Variants in CWC27 observed in about 807,000 individuals in gnomAD.
CWC27 encodes the protein CWC27 spliceosome associated cyclophilin, also known as spliceosome-associated protein CWC27 homolog.
Under a neutral mutation model 63.6 loss-of-function variants are expected in CWC27, and 47 were observed. The observed-to-expected ratio is 0.74, with a 90% confidence interval of 0.58 to 0.94. CWC27 has a LOEUF of 0.94. Among genes scored for constraint, CWC27 ranks in the 40% least tolerant of loss-of-function variants. CWC27 has a pLI of 0.00. For synonymous variants in CWC27, 175 were observed against 179.8 expected (o/e 0.97, Z 0.22); for missense variants, 495 against 554.3 (o/e 0.89, Z 1.07).
chr5:64,849,591 A>G (rs1746080819), intron 10 of CWC27, among the ~76,000 whole-genome samples: 1 of 152,008 alleles, frequency 6.6e-6, no homozygotes, highest in Non-Finnish European at 1.5e-5. Context: ...AGCACCTCCA[A>G]TGGGAGAACA....
intron 12 of CWC27, among the ~76,000 whole-genome samples, chr5:64,974,275 A>G (rs1749182620): frequency 6.6e-6 from 1 of 151,996 alleles, no homozygotes; most frequent in African/African-American, 2.4e-5. Flanking sequence ...TTTAAGCTAT[A>G]GTGTATTAGT....
chr5:64,840,361 TTAAAAAAAAAA>T (rs1236942765), intron 10 of CWC27, among the ~76,000 whole-genome samples: 30 of 35,836 alleles, frequency 8.4e-4, no homozygotes, highest in South Asian at 5.7e-3. Context: ...TCCTTTTTCA[TTAAAAAAAAAA>T]AAAAAAAAAA....
At chr5:64,885,632 A>T in intron 11 of CWC27, 86 bp downstream of exon 11, 1 of 930,722 alleles carries the variant, frequency 1.1e-6, no homozygotes, top group Non-Finnish European at 1.7e-6. Context: ...TCCCGTATTC[A>T]TCCCTTCCCT....
At chr5:64,824,768 C>G (rs1284379886) in intron 10 of CWC27, among the ~76,000 whole-genome samples, 1 of 138,130 alleles carries the variant, frequency 7.2e-6, no homozygotes, top group Non-Finnish European at 1.5e-5. Flanking sequence ...AGTCTCACTC[C>G]GTCGCCCAGG....
rs1413405742 is a variant in CWC27 at position 64,850,229 on chromosome 5, A to AAAAAAAAAAAAAT, written c.939-35209_939-35208insAAAAAAATAAAAA. Reference sequence around the variant, plus strand: ...TTAAAACAGCTTGGTACTGGCCAAAAAAAAAGACCCGTCAACCAATTGAAG... The same window carrying AAAAAAAAAAAAAT: ...TTAAAACAGCTTGGTACTGGCCAAAAAAAAAAAAAAAATAAAAAGACCCGTCAACCAATTGAAG... On this transcript the variant is annotated intron_variant, in intron 10 of 13. Coordinates refer to ENST00000381070, the MANE Select transcript of CWC27 (RefSeq NM_005869.4). Among the ~76,000 whole-genome samples, 3 of 151,876 alleles carry AAAAAAAAAAAAAT rather than the reference A, an allele frequency of 2.0e-5. No homozygotes were observed. The South Asian group carries it at 6.2e-4, about 32-fold the overall frequency.
At chr5:64,823,496 A>G (rs551592401) in intron 10 of CWC27, among the ~76,000 whole-genome samples, 1 of 152,292 alleles carries the variant, frequency 6.6e-6, no homozygotes, top group Admixed American at 6.5e-5. Flanking sequence ...CCTACCTACA[A>G]AATTAGTAGC....
chr5:64,868,199 G>C (rs1156347864), intron 10 of CWC27, among the ~76,000 whole-genome samples: 1 of 151,918 alleles, frequency 6.6e-6, no homozygotes, highest in African/African-American at 2.4e-5. Context: ...AAGAAAAGTC[G>C]TTCTGAAAAC....
At chr5:64,883,392 T>TGGAA (rs1234239417) in intron 10 of CWC27, among the ~76,000 whole-genome samples, 1 of 152,170 alleles carries the variant, frequency 6.6e-6, no homozygotes, top group Non-Finnish European at 1.5e-5. Flanking sequence ...CATCTACATT[T>TGGAA]GGAAATAACC....
chr5:64,777,987 G>A (rs1580582016), intron 2 of CWC27, among the ~76,000 whole-genome samples: 1 of 151,820 alleles, frequency 6.6e-6, no homozygotes, highest in African/African-American at 2.4e-5. Context: ...CATTCAACAG[G>A]AATATAACTA....
chr5:64,894,918 C>T (rs1747332042), intron 11 of CWC27, among the ~76,000 whole-genome samples: 1 of 152,040 alleles, frequency 6.6e-6, no homozygotes, highest in South Asian at 2.1e-4. Context: ...AGTTGAGGGC[C>T]CAAAGGAACA....
chr5:64,833,024 C>T (rs72756888), intron 10 of CWC27, among the ~76,000 whole-genome samples: 1,674 of 151,766 alleles, frequency 0.011, 10 homozygotes, highest in Non-Finnish European at 0.017. Flanking sequence ...TGAGTTTTCT[C>T]GTTTGTAAAG....
At chr5:64,927,677 C>T (rs545951470) in intron 11 of CWC27, among the ~76,000 whole-genome samples, 3 of 152,138 alleles carry the variant, frequency 2.0e-5, no homozygotes, top group Admixed American at 6.5e-5. Context: ...CACCCCTGCT[C>T]ATTTCTTCCC....
chr5:64,923,289 ACT>A (rs1748033524), intron 11 of CWC27, among the ~76,000 whole-genome samples: 1 of 151,836 alleles, frequency 6.6e-6, no homozygotes, highest in Non-Finnish European at 1.5e-5. Context: ...CCAAGACCAG[ACT>A]CTGAGAGGGG....
chr5:64,889,790 A>C lies in CWC27; in HGVS notation c.1042+4244A>C, dbSNP rs572225056. On this transcript the variant is annotated intron_variant, in intron 11 of 13. Transcript: ENST00000381070. ...AGCAATGTCAAAAGAGATGTACTGCAGGACAATCCTGTTTACAGCCTTGGA... is the reference window on the plus strand; with the variant it reads ...AGCAATGTCAAAAGAGATGTACTGCCGGACAATCCTGTTTACAGCCTTGGA... 3.9e-5 allele frequency among the ~76,000 whole-genome samples: 6 copies of C among 152,326 alleles called. No individual in the cohort carries two copies. The East Asian group carries it at 1.2e-3, about 29-fold the overall frequency.
At chr5:64,820,725 A>T (rs573076085) in intron 10 of CWC27, among the ~76,000 whole-genome samples, 1 of 152,278 alleles carries the variant, frequency 6.6e-6, no homozygotes, top group South Asian at 2.1e-4. Context: ...TTGGAGATCT[A>T]TGTGCAAATA....
chr5:64,815,493 A>C (rs1032027356), intron 10 of CWC27, among the ~76,000 whole-genome samples: 9 of 152,224 alleles, frequency 5.9e-5, no homozygotes, highest in African/African-American at 2.2e-4. Flanking sequence ...AATAGGATGA[A>C]GTATAAACCT....
intron 12 of CWC27, among the ~76,000 whole-genome samples, chr5:64,976,201 A>G (rs1326024451): frequency 6.6e-6 from 1 of 152,212 alleles, no homozygotes; most frequent in Non-Finnish European, 1.5e-5. Context: ...GTAATGCTGC[A>G]GTGCACATCT....
intron 13 of CWC27, among the ~76,000 whole-genome samples, chr5:64,977,554 C>T (rs1373897260): frequency 6.6e-6 from 1 of 152,118 alleles, no homozygotes; most frequent in Non-Finnish European, 1.5e-5. Context: ...ATGAGACTCA[C>T]ATTAAACAAC....
intron 10 of CWC27, 197 bp downstream of exon 10, chr5:64,804,583 CTA>C: frequency 2.0e-6 from 1 of 494,234 alleles, no homozygotes; most frequent in Non-Finnish European, 3.5e-6. Context: ...AACAATGATC[CTA>C]TGAGTTCAAT....
Sources: gnomAD v4.1 joint callset for allele counts (sites outside exome capture counted in the v4.1 genomes callset) on GRCh38, gnomAD v4.1.1 for gene constraint, MANE v1.5 for transcripts, NCBI Gene and HGNC (gene_info 2026-07-23, HGNC 2026-07-21) for gene names.